The following ZSWIM6 variants were observed in gnomAD, a reference collection of about 807,000 sequenced individuals.
ZSWIM6 encodes the protein zinc finger SWIM-type containing 6, also known as zinc finger SWIM domain-containing protein 6.
In ZSWIM6, 9 loss-of-function variants were observed where a neutral mutation model predicts 113.2. The ratio of observed to expected loss-of-function variants is 0.08; its 90% confidence interval spans 0.05 to 0.14. The LOEUF (loss-of-function observed/expected upper bound fraction) is 0.14, where lower values mean the gene tolerates loss of function less well. Among genes scored for constraint, ZSWIM6 ranks in the 10% least tolerant of loss-of-function variants. The probability of loss-of-function intolerance (pLI) is 1.00; values close to 1 mark genes in which losing one functional copy is unlikely to be tolerated. For missense variants in ZSWIM6, 1,162 were observed against 1,552.2 expected (o/e 0.75, Z 4.22); for synonymous variants, 611 against 606.5 (o/e 1.01, Z -0.11).
chr5:61,379,671 A>G (rs1745439281), intron 1 of ZSWIM6, among the ~76,000 whole-genome samples: 1 of 152,142 alleles, frequency 6.6e-6, no homozygotes, highest in South Asian at 2.1e-4. Context: ...TTCATGAGGG[A>G]TAAATTTTAT....
chr5:61,523,714 A>G (rs1433295956), intron 5 of ZSWIM6, among the ~76,000 whole-genome samples: 2 of 152,194 alleles, frequency 1.3e-5, no homozygotes, highest in Non-Finnish European at 1.5e-5. Flanking sequence ...TTAATTGTAT[A>G]TCTTCTATGT....
chr5:61,404,690 C>T (rs572817708), intron 1 of ZSWIM6, among the ~76,000 whole-genome samples: 21 of 152,238 alleles, frequency 1.4e-4, no homozygotes, highest in Non-Finnish European at 2.9e-4. Context: ...AGGGATTTCA[C>T]CGCCTCCTTT....
chr5:61,349,759 G>T (rs1744742566), intron 1 of ZSWIM6, among the ~76,000 whole-genome samples: 1 of 152,072 alleles, frequency 6.6e-6, no homozygotes, highest in Admixed American at 6.5e-5. Flanking sequence ...AGTACTTTTG[G>T]GTTACCTAGA....
intron 1 of ZSWIM6, among the ~76,000 whole-genome samples, chr5:61,447,341 AAC>A (rs1483635308): frequency 9.2e-5 from 14 of 152,218 alleles, no homozygotes; most frequent in African/African-American, 3.1e-4. Flanking sequence ...ACTGCACTGA[AAC>A]ACAATCCAAC....
chr5:61,507,609 A>G (rs1748659003), intron 4 of ZSWIM6, among the ~76,000 whole-genome samples: 1 of 152,104 alleles, frequency 6.6e-6, no homozygotes, highest in Non-Finnish European at 1.5e-5. Flanking sequence ...GAAATTACTT[A>G]TTTGCTTTGC....
At chr5:61,509,612 C>G (rs1444665476) in intron 4 of ZSWIM6, among the ~76,000 whole-genome samples, 1 of 152,142 alleles carries the variant, frequency 6.6e-6, no homozygotes, top group Non-Finnish European at 1.5e-5. Flanking sequence ...TTAAATCACT[C>G]TCTTTGCCTA....
At chr5:61,411,613 C>T (rs979447534) in intron 1 of ZSWIM6, among the ~76,000 whole-genome samples, 8 of 152,184 alleles carry the variant, frequency 5.3e-5, no homozygotes, top group African/African-American at 1.9e-4. Flanking sequence ...AGCTTATAAA[C>T]CATACAAATT....
intron 3 of ZSWIM6, among the ~76,000 whole-genome samples, chr5:61,492,865 C>G (rs1748217788): frequency 6.6e-6 from 1 of 152,090 alleles, no homozygotes; most frequent in African/African-American, 2.4e-5. Flanking sequence ...CTACTATTTT[C>G]TCCTTTCCTT....
chr5:61,485,448 A>G (rs1293595549), intron 2 of ZSWIM6, among the ~76,000 whole-genome samples: 1 of 152,038 alleles, frequency 6.6e-6, no homozygotes, highest in Non-Finnish European at 1.5e-5. Flanking sequence ...TGTCAAATTC[A>G]CCATATCTAA....
intron 1 of ZSWIM6, among the ~76,000 whole-genome samples, chr5:61,399,237 T>A (rs1416201004): frequency 6.7e-6 from 1 of 150,330 alleles, no homozygotes; most frequent in Non-Finnish European, 1.5e-5. Flanking sequence ...GTATGTTTTT[T>A]TTTTTTTTTT....
At chr5:61,525,346 C>G (rs1393674343) in intron 5 of ZSWIM6, among the ~76,000 whole-genome samples, 2 of 152,162 alleles carry the variant, frequency 1.3e-5, no homozygotes, top group Non-Finnish European at 2.9e-5. Flanking sequence ...TCTTTAAAGG[C>G]TGACTGCATA....
chr5:61,449,599 G>A (rs527310442), intron 1 of ZSWIM6, among the ~76,000 whole-genome samples: 1 of 152,174 alleles, frequency 6.6e-6, no homozygotes, highest in African/African-American at 2.4e-5. Context: ...ACAATTCTCT[G>A]GTAAAATTAT....
intron 1 of ZSWIM6, chr5:61,375,530 A>G (rs1745355848): frequency 6.4e-7 from 1 of 1,551,846 alleles, no homozygotes; most frequent in Admixed American, 2.0e-5. Flanking sequence ...AACCGTTCAC[A>G]TAAATCTTCT....
At chr5:61,447,118 C>A (rs1181814630) in intron 1 of ZSWIM6, among the ~76,000 whole-genome samples, 1 of 152,098 alleles carries the variant, frequency 6.6e-6, no homozygotes, top group Non-Finnish European at 1.5e-5. Context: ...CAGGCCCAAC[C>A]CTGCTTAGAA....
chr5:61,536,964 T>G (rs1451948138), intron 10 of ZSWIM6, among the ~76,000 whole-genome samples: 1 of 152,230 alleles, frequency 6.6e-6, no homozygotes, highest in Non-Finnish European at 1.5e-5. Flanking sequence ...GGGTTCCTAT[T>G]TTTATTTTTG....
At position 61,441,571 on chromosome 5, in the gene ZSWIM6, C is replaced by T. The variant is rs189809240; in HGVS notation, c.677-31110C>T. Among the ~76,000 whole-genome samples the T allele has an allele frequency of 4.6e-5, 7 of 152,172 alleles. No homozygotes were observed. The South Asian group carries it at 1.2e-3, about 27-fold the overall frequency. On this transcript the variant is annotated intron_variant, in intron 1 of 13. Coordinates refer to ENST00000252744, the MANE Select transcript of ZSWIM6 (RefSeq NM_020928.2). ...ACCTTAAAAATTATCTAGTCTGTCT[C>T]CTGCATTCCTATATGTAGGAAATTA...
In ZSWIM6 at chr5:61,472,582, C is replaced by T; in HGVS notation, c.677-99C>T. Reference sequence around the variant, plus strand: ...AATATAGAGGCTGTCATATTTTTTTCTTGCTGCTGTCAAGTCCCACACATT... The same window carrying T: ...AATATAGAGGCTGTCATATTTTTTTTTTGCTGCTGTCAAGTCCCACACATT... On this transcript the variant is annotated intron_variant, in intron 1 of 13. Transcript: ENST00000252744. This position sits in a 1 kb window ranked among gnomAD's most constrained non-coding sequence, Gnocchi z 4.1. 4 of 916,566 alleles carry T rather than the reference C, an allele frequency of 4.4e-6. No individual in the cohort carries two copies. Among genetic ancestry groups the T allele is most frequent in the African/African-American group, 1.7e-5 (1 of 59,102 alleles). 56.8% of individuals were successfully genotyped at this position (916,566 alleles called of 1,614,324 possible).
At chr5:61,382,919 A>G (rs913033884) in intron 1 of ZSWIM6, among the ~76,000 whole-genome samples, 1 of 152,210 alleles carries the variant, frequency 6.6e-6, no homozygotes. Context: ...AAGATACAGA[A>G]TGTCCGCAAA....
intron 1 of ZSWIM6, among the ~76,000 whole-genome samples, chr5:61,360,860 C>T (rs1350952356): frequency 1.3e-5 from 2 of 152,140 alleles, no homozygotes; most frequent in Non-Finnish European, 2.9e-5. Flanking sequence ...GTTGAACTTG[C>T]TTGTTTTCGC....
Sources: allele counts gnomAD v4.1 joint callset (sites outside exome capture counted in the v4.1 genomes callset), GRCh38; gene constraint gnomAD v4.1.1; non-coding constraint Gnocchi (gnomAD v3.1); transcripts MANE v1.5; gene names NCBI Gene and HGNC (gene_info 2026-07-23, HGNC 2026-07-21).